Variants in PKIB observed in about 807,000 individuals in gnomAD.
The protein encoded by PKIB is cAMP-dependent protein kinase inhibitor beta.
In PKIB, 2 loss-of-function variants were observed where a neutral mutation model predicts 4.5. That is an observed-to-expected ratio of 0.44 (90% CI 0.18 to 1.39). PKIB has a LOEUF of 1.39. PKIB is among the 40% of genes most tolerant of loss of function. PKIB has a pLI of 0.27. For synonymous variants in PKIB, 38 were observed against 36.0 expected (o/e 1.06, Z -0.20); for missense variants, 94 against 92.6 (o/e 1.02, Z -0.06).
At chr6:122,530,414 C>T (rs1206126000) in intron 2 of PKIB, among the ~76,000 whole-genome samples, 1 of 151,952 alleles carries the variant, frequency 6.6e-6, no homozygotes, top group Non-Finnish European at 1.5e-5. Context: ...CATTTTTAGA[C>T]AGCTCACAGA....
chr6:122,573,183 A>C (rs575550807), intron 2 of PKIB, among the ~76,000 whole-genome samples: 1 of 152,166 alleles, frequency 6.6e-6, no homozygotes, highest in East Asian at 1.9e-4. Context: ...CTGCAAACCA[A>C]TATCTCTGAT....
intron 1 of PKIB, among the ~76,000 whole-genome samples, chr6:122,627,167 C>G (rs929959032): frequency 1.5e-4 from 22 of 151,142 alleles, no homozygotes; most frequent in African/African-American, 4.6e-4. Flanking sequence ...GGCGTAAACC[C>G]GGGAGGCGGA....
intron 2 of PKIB, among the ~76,000 whole-genome samples, chr6:122,580,285 A>G (rs1352110994): frequency 1.3e-5 from 2 of 152,124 alleles, no homozygotes; most frequent in Non-Finnish European, 2.9e-5. Flanking sequence ...TATAAATTAC[A>G]GAAAACAAAT....
chr6:122,674,282 A>G (rs1777585321), intron 2 of PKIB, among the ~76,000 whole-genome samples: 1 of 152,182 alleles, frequency 6.6e-6, no homozygotes, highest in Admixed American at 6.5e-5. Context: ...TGTGTAAAGA[A>G]TGGATTTGCA....
chr6:122,559,920 A>T (rs1000706931), intron 2 of PKIB, among the ~76,000 whole-genome samples: 1 of 152,140 alleles, frequency 6.6e-6, no homozygotes, highest in Non-Finnish European at 1.5e-5. Flanking sequence ...GAATTCTTTT[A>T]TCAGTTCTAG....
chr6:122,679,999 T>C (rs936707533), intron 3 of PKIB, among the ~76,000 whole-genome samples: 1 of 152,212 alleles, frequency 6.6e-6, no homozygotes, highest in Admixed American at 6.5e-5. Context: ...TCTGCTTTCT[T>C]TTTTCCTTTG....
chr6:122,520,661 T>TTTCCTC (rs1562237597), intron 2 of PKIB, among the ~76,000 whole-genome samples: 2 of 55,538 alleles, frequency 3.6e-5, no homozygotes, highest in African/African-American at 6.0e-5. Context: ...AAGTTTATGT[T>TTTCCTC]CCCACCCCCC....
rs2114562735 is a variant in PKIB at position 122,502,938 on chromosome 6, A to G, written c.-248+24999A>G. On this transcript the variant is annotated intron_variant, in intron 2 of 6. Transcript: ENST00000392491. ...ACACTGCAAACTGGGTGGTTTAAAC[A>G]ACAAGCATTTATTTCTCACAGTTCT... Among the ~76,000 whole-genome samples the G allele has an allele frequency of 1.3e-5, 2 of 152,324 alleles. 1 individual carries two copies. Among genetic ancestry groups the G allele is most frequent in the Middle Eastern group, 6.8e-3 (2 of 294 alleles).
At chr6:122,575,552 G>A (rs1249063826) in intron 2 of PKIB, among the ~76,000 whole-genome samples, 2 of 152,056 alleles carry the variant, frequency 1.3e-5, no homozygotes, top group Non-Finnish European at 2.9e-5. Context: ...TAAAGAAAAT[G>A]TGATATATAT....
intron 3 of PKIB, among the ~76,000 whole-genome samples, chr6:122,680,012 A>G (rs1777833204): frequency 1.3e-5 from 2 of 152,312 alleles, no homozygotes; most frequent in African/African-American, 4.8e-5. Context: ...TTCCTTTGAC[A>G]CATATAATTC....
intron 2 of PKIB, chr6:122,644,503 ATCTC>A: frequency 6.6e-6 from 1 of 152,180 alleles, no homozygotes; most frequent in African/African-American, 2.4e-5. Flanking sequence ...AATTAACTTA[ATCTC>A]TCTGTCTCTG....
chr6:122,620,199 C>T (rs1020426828), intron 1 of PKIB, among the ~76,000 whole-genome samples: 6 of 152,158 alleles, frequency 3.9e-5, no homozygotes, highest in African/African-American at 1.4e-4. Context: ...AGCACCTGAA[C>T]AAACCCCTCC....
chr6:122,615,090 T>A (rs1314120892), intron 1 of PKIB, among the ~76,000 whole-genome samples: 3 of 152,156 alleles, frequency 2.0e-5, no homozygotes, highest in African/African-American at 7.2e-5. Context: ...CGCCAGGACT[T>A]CACAGAAACC....
chr6:122,502,563 T>C (rs1329928108), intron 2 of PKIB, among the ~76,000 whole-genome samples: 1 of 151,826 alleles, frequency 6.6e-6, no homozygotes, highest in East Asian at 2.0e-4. Flanking sequence ...AATAATCAGA[T>C]CTTGTGAGAC....
chr6:122,725,142 G>C lies in PKIB; in HGVS notation c.184G>C (p.Asp62His). Residue 62 changes from aspartate (D) to histidine (H), a missense_variant, in exon 5 of 5, where the codon GAT (aspartate) becomes CAT (histidine). Coordinates refer to ENST00000368452, the MANE Select transcript of PKIB (RefSeq NM_181795.3). ...TTTTTTTTCAGATGCAAAAGAGAAA[G>C]ATGAAAAAACAACACAAGACCAATT... ...LSVKEDAKEK[D>H]EKTTQDQLEK... is the part of the protein sequence containing the mutation. 1.2e-6 allele frequency: 2 copies of C among 1,607,356 alleles called. No individual in the cohort carries two copies. The highest frequency in any genetic ancestry group is 1.7e-6 in the Non-Finnish European group (2 of 1,177,388).
intron 1 of PKIB, among the ~76,000 whole-genome samples, chr6:122,623,951 A>C (rs544002250): frequency 6.6e-6 from 1 of 152,292 alleles, no homozygotes; most frequent in African/African-American, 2.4e-5. Flanking sequence ...TGTGCCAGGC[A>C]TTATTCTTTG....
intron 2 of PKIB, among the ~76,000 whole-genome samples, chr6:122,560,104 A>G (rs1460931980): frequency 6.6e-6 from 1 of 152,136 alleles, no homozygotes; most frequent in Non-Finnish European, 1.5e-5. Flanking sequence ...GAGACTGGGC[A>G]TCCTTGTCTT....
At chr6:122,532,083 A>G (rs912001050) in intron 2 of PKIB, among the ~76,000 whole-genome samples, 1 of 152,206 alleles carries the variant, frequency 6.6e-6, no homozygotes, top group African/African-American at 2.4e-5. Context: ...TTCAGTGTAG[A>G]ACATTTATGC....
chr6:122,634,258 G>A (rs1775822656), intron 2 of PKIB, among the ~76,000 whole-genome samples: 1 of 152,062 alleles, frequency 6.6e-6, no homozygotes, highest in Admixed American at 6.6e-5. Context: ...ACCTAATGTA[G>A]ATGACGGGTT....
Sources: gnomAD v4.1 joint callset for allele counts (sites outside exome capture counted in the v4.1 genomes callset) on GRCh38, gnomAD v4.1.1 for gene constraint, MANE v1.5 for transcripts, NCBI Gene and HGNC (gene_info 2026-07-23, HGNC 2026-07-21) for gene names.